Variants in KRT31 observed in about 807,000 individuals in gnomAD.
The protein encoded by KRT31 is keratin, type I cuticular Ha1.
A neutral mutation model predicts 40.8 loss-of-function variants in KRT31; 27 were observed. That is an observed-to-expected ratio of 0.66 (90% CI 0.49 to 0.91). The LOEUF is 0.91. Ranked by LOEUF, KRT31 falls within the 40% of genes least tolerant of loss-of-function variation. The probability of loss-of-function intolerance (pLI) is 0.00; values close to 1 mark genes in which losing one functional copy is unlikely to be tolerated. For missense variants in KRT31, 510 were observed against 544.1 expected (o/e 0.94, Z 0.62); for synonymous variants, 231 against 231.9 (o/e 1.00, Z 0.03).
chr17:41,394,948 C>T lies in KRT31; in HGVS notation c.997G>A (p.Glu333Lys). The T allele has an allele frequency of 6.2e-7, 1 of 1,614,234 alleles. No individual in the cohort carries two copies. The highest frequency in any genetic ancestry group is 8.5e-7 in the Non-Finnish European group (1 of 1,180,042). ...SQLAEIRSDLERQNQEYQVLL... is the reference protein window; with the variant it reads ...SQLAEIRSDLKRQNQEYQVLL... ...ACCTGGTACTCCTGGTTCTGCCGCT[C>T]CAGGTCACTGCGGATCTCCGCCAGC... Residue 333 changes from glutamate (E) to lysine (K), a missense_variant, in exon 6 of 7, where the codon GAG becomes AAG. Transcript: ENST00000251645.
rs778868618 is a variant in KRT31, at chr17:41,396,566, C to T, written c.442G>A (p.Glu148Lys). The T allele has an allele frequency of 3.1e-6, 5 of 1,613,746 alleles. No homozygotes were observed. Among genetic ancestry groups the T allele is most frequent in the Admixed American group, 1.7e-5 (1 of 59,986 alleles). The change falls in exon 3 of 7, where the codon GAG (glutamate) becomes AAG (lysine). Residue 148 changes from glutamate to lysine, a missense_variant. Glu to Lys is a moderately conservative substitution (Grantham distance 56, BLOSUM62 1). Transcript: ENST00000251645. ...TCCACCAGCTGCCGCAGGGACAGCT[C>T]GGTCTGGTACCTGCGCAAGGACAGG... ...ADDFRTKYQT[E>K]LSLRQLVESD... is the part of the protein sequence containing the mutation.
chr17:41,395,606 G>A lies in KRT31; in HGVS notation c.606C>T (p.Arg202=), dbSNP rs753049924. 1 of 1,614,190 alleles carries A rather than the reference G, an allele frequency of 6.2e-7. No homozygotes were observed. Among genetic ancestry groups the A allele is most frequent in the Admixed American group, 1.7e-5 (1 of 60,036 alleles). ...SNHEQEVNTL[R]CQLGDRLNVE... ...CATTGAGGCGGTCTCCAAGCTGGCA[G>A]CGCAGGGTATTGACCTCCTATGGAT... is the stretch of plus-strand genomic sequence containing the variant. Residue 202 remains arginine (R), a synonymous_variant, in exon 4 of 7, where the codon CGC becomes CGT. Coordinates refer to ENST00000251645, the MANE Select transcript of KRT31 (RefSeq NM_002277.3).
intron 6 of KRT31, among the ~76,000 whole-genome samples, chr17:41,394,425 A>G (rs1043952887): frequency 1.3e-5 from 2 of 152,184 alleles, no homozygotes; most frequent in Non-Finnish European, 2.9e-5. Context: ...AACTGATGAC[A>G]TGGGGTGAGT....
At position 41,395,592 on chromosome 17, in the gene KRT31, T is replaced by C. The variant is rs1329478296; in HGVS notation, c.620A>G (p.Asp207Gly). The C allele has an allele frequency of 2.5e-6, 4 of 1,614,004 alleles. No homozygotes were observed. The Admixed American group carries it at 5.0e-5, about 20-fold the overall frequency. The change falls in exon 4 of 7, where the codon GAC becomes GGC. Residue 207 changes from aspartate to glycine, a missense_variant. Physicochemically the swap from Asp to Gly is moderately conservative, Grantham distance 94 (BLOSUM62 -1). Transcript: ENST00000251645. ...AGCATCCACCTCCACATTGAGGCGGTCTCCAAGCTGGCAGCGCAGGGTATT... is the reference window on the plus strand; with the variant it reads ...AGCATCCACCTCCACATTGAGGCGGCCTCCAAGCTGGCAGCGCAGGGTATT... ...EVNTLRCQLG[D>G]RLNVEVDAAP...
Position 41,397,558 on chromosome 17 carries a change from G to T in KRT31, c.-19C>A. 4.4e-6 allele frequency: 7 copies of T among 1,585,678 alleles called. No homozygotes were observed. Among genetic ancestry groups the T allele is most frequent in the Non-Finnish European group, 5.2e-6 (6 of 1,160,958 alleles). ...AGGGCATAGTGCTGGGAGGGAGGGAGGGAGTGCCTGGCTGAAGACAGAGTC... is the reference window on the plus strand; with the variant it reads ...AGGGCATAGTGCTGGGAGGGAGGGATGGAGTGCCTGGCTGAAGACAGAGTC... On this transcript the variant is annotated 5_prime_UTR_variant, in exon 1 of 7. Transcript: ENST00000251645.
In KRT31 at chr17:41,395,635, G is replaced by A; in HGVS notation, c.589-12C>T. ...AGGGTATTGACCTCCTATGGATGCA[G>A]AAAATACAAGAGTTACTATGCTCAG... On this transcript the variant is annotated splice_polypyrimidine_tract_variant and intron_variant, in intron 3 of 6. Coordinates refer to ENST00000251645, the MANE Select transcript of KRT31 (RefSeq NM_002277.3). 1 of 1,612,076 alleles carries A rather than the reference G, an allele frequency of 6.2e-7. No individual in the cohort carries two copies. Among genetic ancestry groups the A allele is most frequent in the Non-Finnish European group, 8.5e-7 (1 of 1,179,022 alleles).
rs2018213589 is a variant in KRT31, at chr17:41,395,609, C to T, written c.603G>A (p.Leu201=). The T allele has an allele frequency of 6.2e-7, 1 of 1,614,006 alleles. No homozygotes were observed. The highest frequency in any genetic ancestry group is 1.3e-5 in the African/African-American group (1 of 74,928). The change falls in exon 4 of 7, where the codon CTG becomes CTA. Residue 201 remains leucine (L), a synonymous_variant. Coordinates refer to ENST00000251645, the MANE Select transcript of KRT31 (RefSeq NM_002277.3). ...TGAGGCGGTCTCCAAGCTGGCAGCG[C>T]AGGGTATTGACCTCCTATGGATGCA... ...KSNHEQEVNT[L]RCQLGDRLNV... is the part of the protein sequence containing the mutation.
In KRT31 at chr17:41,394,003, C is replaced by A. The variant is rs1459268297; in HGVS notation, c.*13G>T. The A allele has an allele frequency of 1.9e-6, 3 of 1,611,734 alleles. No homozygotes were observed. The stretch of plus-strand genomic sequence containing the variant: ...GGGCCCTGCATCCTTGCTCCTCTGG[C>A]ATTCCCTAGGTTCTAGCGCACGAAG... On this transcript the variant is annotated 3_prime_UTR_variant, in exon 7 of 7. Coordinates refer to ENST00000251645, the MANE Select transcript of KRT31 (RefSeq NM_002277.3).
In KRT31 at chr17:41,394,859, G is replaced by A. The variant is rs774179895; in HGVS notation, c.1086C>T (p.Ser362=). ...GCCCATGTACTCACTTGCAGTCCTC[G>A]CTCTCCAGCAGGCTCCGGTATGTGT... ...EINTYRSLLE[S]EDCNLPSNPC... The change falls in exon 6 of 7, where the codon AGC becomes AGT. Residue 362 remains serine, a synonymous_variant. Transcript: ENST00000251645. 6.1e-5 allele frequency: 99 copies of A among 1,613,928 alleles called. No individual in the cohort carries two copies. Among genetic ancestry groups the A allele is most frequent in the Admixed American group, 1.7e-4 (10 of 60,002 alleles).
chr17:41,396,802 T>C (rs1230888369), intron 2 of KRT31, 111 bp downstream of exon 2: 7 of 1,086,302 alleles, frequency 6.4e-6, no homozygotes, highest in Non-Finnish European at 9.6e-6. Flanking sequence ...TCCCCAGTCC[T>C]CTGCAGAATC....
At position 41,393,786 on chromosome 17, in the gene KRT31, T is replaced by A; in HGVS notation, c.*230A>T. On this transcript the variant is annotated 3_prime_UTR_variant, in exon 7 of 7. Coordinates refer to ENST00000251645, the MANE Select transcript of KRT31 (RefSeq NM_002277.3). The stretch of plus-strand genomic sequence containing the variant: ...GGAGGCCCACTGGCACATCAGAGAG[T>A]TCTCTGGGTGAGCATAGGAAGGAAC... 6.0e-6 allele frequency: 3 copies of A among 503,978 alleles called. No homozygotes were observed. Among genetic ancestry groups the A allele is most frequent in the Non-Finnish European group, 1.0e-5 (3 of 290,454 alleles). The allele number at this position is 503,978 out of a possible 1,614,324, so 31.2% of individuals were successfully genotyped here.
chr17:41,396,935 C>G lies in KRT31; in HGVS notation c.409G>C (p.Ala137Pro). Reference protein sequence around the residue: ...LVVQIDNAKLAADDFRTKYQT... With the variant: ...LVVQIDNAKLPADDFRTKYQT... ...CACTTGGTTCTGAAATCATCCGCAG[C>G]CAGCTTGGCGTTGTCGATCTGCACC... The change falls in exon 2 of 7, where the codon GCT becomes CCT. Residue 137 changes from alanine to proline, a missense_variant. Ala to Pro is a conservative substitution (Grantham distance 27). Coordinates refer to ENST00000251645, the MANE Select transcript of KRT31 (RefSeq NM_002277.3). 6.2e-7 allele frequency: 1 copy of G among 1,614,092 alleles called. No individual in the cohort carries two copies. The highest frequency in any genetic ancestry group is 8.5e-7 in the Non-Finnish European group (1 of 1,179,948).
chr17:41,396,649 A>G (rs2018232075), intron 2 of KRT31, 73 bp from the exon 3 acceptor site: 15 of 1,517,408 alleles, frequency 9.9e-6, no homozygotes, highest in South Asian at 1.2e-5. Context: ...TGATAACCTC[A>G]TGTGCCTTAT....
In KRT31 at chr17:41,395,525, C is replaced by A; in HGVS notation, c.687G>T (p.Arg229Ser). 1.9e-6 allele frequency: 3 copies of A among 1,614,208 alleles called. No individual in the cohort carries two copies. Among genetic ancestry groups the A allele is most frequent in the Non-Finnish European group, 2.5e-6 (3 of 1,180,036 alleles). The part of the protein sequence containing the change: ...VDLNRVLNET[R>S]SQYEALVETN... ...TTTCCACCAGGGCCTCATACTGACT[C>A]CTGGTCTCGTTCAGCACCCGATTCA... The change falls in exon 4 of 7, where the codon AGG (arginine) becomes AGT (serine). Residue 229 changes from arginine (R) to serine (S), a missense_variant. Coordinates refer to ENST00000251645, the MANE Select transcript of KRT31 (RefSeq NM_002277.3).
chr17:41,396,004 C>T lies in KRT31; in HGVS notation c.589-381G>A, dbSNP rs80269162. Among the ~76,000 whole-genome samples, 1,107 of 152,220 alleles carry T rather than the reference C, an allele frequency of 7.3e-3. 6 individuals carry two copies. Among genetic ancestry groups the T allele is most frequent in the Non-Finnish European group, 0.012 (805 of 68,016 alleles). On this transcript the variant is annotated intron_variant, in intron 3 of 6. Transcript: ENST00000251645. ...GAGGTAAGAGCATGTCATGGCCCCT[C>T]CCAAGAGAGAGGAAGAATCTCACAA...
chr17:41,395,327 A>C lies in KRT31; in HGVS notation c.794T>G (p.Leu265Arg), dbSNP rs747289264. Residue 265 changes from leucine (L) to arginine (R), a missense_variant, in exon 5 of 7, where the codon CTG (leucine) becomes CGG (arginine). Coordinates refer to ENST00000251645, the MANE Select transcript of KRT31 (RefSeq NM_002277.3). Reference sequence around the variant, plus strand: ...GATGATCTCCGCCTGGTAGGACTGCAGCTGCTCTGAGCTGGATACCACCTG... The same window carrying C: ...GATGATCTCCGCCTGGTAGGACTGCCGCTGCTCTGAGCTGGATACCACCTG... ...NKQVVSSSEQ[L>R]QSYQAEIIEL... 43 of 1,613,766 alleles carry C rather than the reference A, an allele frequency of 2.7e-5. No individual in the cohort carries two copies. The highest frequency in any genetic ancestry group is 4.0e-5 in the African/African-American group (3 of 74,924).
At chr17:41,396,096 G>A (rs1414442808) in intron 3 of KRT31, among the ~76,000 whole-genome samples, 3 of 148,762 alleles carry the variant, frequency 2.0e-5, no homozygotes, top group Admixed American at 6.6e-5. Flanking sequence ...TTTTTTTCTT[G>A]GCCTTTGCCA....
chr17:41,393,875 G>T lies in KRT31; in HGVS notation c.*141C>A. 3.5e-6 allele frequency: 3 copies of T among 850,856 alleles called. No individual in the cohort carries two copies. The highest frequency in any genetic ancestry group is 3.5e-6 in the Non-Finnish European group (2 of 568,698). The allele number at this position is 850,856 out of a possible 1,614,324, so 52.7% of individuals were successfully genotyped here. On this transcript the variant is annotated 3_prime_UTR_variant, in exon 7 of 7. Transcript: ENST00000251645. ...AGTAGTTGGGGAGGCTACAGGCTTT[G>T]GGTGAGTTTCTTGGCTGCCTTACGC... is the stretch of plus-strand genomic sequence containing the variant.
In KRT31 at chr17:41,394,976, G is replaced by A. The variant is rs375562565; in HGVS notation, c.969C>T (p.Ser323=). Residue 323 remains serine (S), a synonymous_variant, in exon 6 of 7, where the codon TCC becomes TCT. Transcript: ENST00000251645. The stretch of plus-strand genomic sequence containing the variant: ...GGTCACTGCGGATCTCCGCCAGCTG[G>A]GACTCCACGTTGGTGATCAGGCTCT... ...QVQSLITNVE[S]QLAEIRSDLE... The A allele has an allele frequency of 1.5e-5, 25 of 1,614,128 alleles. 1 individual carries two copies. The African/African-American group carries it at 2.1e-4, about 14-fold the overall frequency.
Sources: gnomAD v4.1 joint callset for allele counts (sites outside exome capture counted in the v4.1 genomes callset) on GRCh38, gnomAD v4.1.1 for gene constraint, MANE v1.5 for transcripts, NCBI Gene and HGNC (gene_info 2026-07-23, HGNC 2026-07-21) for gene names.